The following DOK6 variants were observed in gnomAD, a reference collection of about 807,000 sequenced individuals.
The protein encoded by DOK6 is docking protein 6.
A neutral mutation model predicts 44.0 loss-of-function variants in DOK6; 22 were observed. That is an observed-to-expected ratio of 0.50 (90% CI 0.36 to 0.71). DOK6 has a LOEUF of 0.71. Among genes scored for constraint, DOK6 ranks in the 30% least tolerant of loss-of-function variants. The probability of loss-of-function intolerance (pLI) is 0.00; values close to 1 mark genes in which losing one functional copy is unlikely to be tolerated. For synonymous variants in DOK6, 166 were observed against 145.5 expected, an observed-to-expected ratio of 1.14 and a Z score of -1.01; for missense variants, 340 against 416.4, an observed-to-expected ratio of 0.82 and a Z score of 1.60.
intron 2 of DOK6, among the ~76,000 whole-genome samples, chr18:69,565,764 TGAG>T (rs1049798097): frequency 6.6e-6 from 1 of 152,316 alleles, no homozygotes; most frequent in Admixed American, 6.5e-5. Flanking sequence ...GGTTTTCTCA[TGAG>T]TAGACGAATT....
intron 3 of DOK6, among the ~76,000 whole-genome samples, chr18:69,636,102 G>A (rs1284478947): frequency 6.6e-6 from 1 of 152,188 alleles, no homozygotes; most frequent in Non-Finnish European, 1.5e-5. Context: ...GATTTGGAAT[G>A]AGTTCATGCC....
At chr18:69,801,327 G>T (rs1402424361) in intron 7 of DOK6, among the ~76,000 whole-genome samples, 1 of 152,060 alleles carries the variant, frequency 6.6e-6, no homozygotes, top group East Asian at 1.9e-4. Flanking sequence ...GTTGTTTCCT[G>T]ATCTTTTGTT....
At chr18:69,791,065 A>G (rs540041790) in intron 7 of DOK6, among the ~76,000 whole-genome samples, 6 of 152,260 alleles carry the variant, frequency 3.9e-5, no homozygotes, top group Admixed American at 2.6e-4. Context: ...TTCAGTTTAA[A>G]TGATGACCTC....
At chr18:69,491,983 G>A (rs1169108830) in intron 1 of DOK6, among the ~76,000 whole-genome samples, 1 of 152,186 alleles carries the variant, frequency 6.6e-6, no homozygotes, top group South Asian at 2.1e-4. Context: ...AGAGAACTCA[G>A]ATAGTTTTAT....
At chr18:69,702,005 ATAAT>A (rs1447203236) in intron 5 of DOK6, among the ~76,000 whole-genome samples, 5 of 152,148 alleles carry the variant, frequency 3.3e-5, no homozygotes, top group African/African-American at 9.6e-5. Flanking sequence ...GCATAAAAAT[ATAAT>A]TAATACATAA....
chr18:69,574,482 G>T (rs555402093), intron 2 of DOK6, among the ~76,000 whole-genome samples: 1 of 152,044 alleles, frequency 6.6e-6, no homozygotes, highest in South Asian at 2.1e-4. Flanking sequence ...TACCAAGGAC[G>T]TGACACTTAA....
chr18:69,563,717 G>A (rs534370047), intron 1 of DOK6, among the ~76,000 whole-genome samples: 4 of 151,616 alleles, frequency 2.6e-5, no homozygotes, highest in Admixed American at 2.6e-4. Context: ...CGAGTTAATG[G>A]GTGCAGCACA....
intron 3 of DOK6, among the ~76,000 whole-genome samples, chr18:69,623,170 T>C (rs1369217288): frequency 1.3e-5 from 2 of 152,152 alleles, no homozygotes; most frequent in Non-Finnish European, 2.9e-5. Flanking sequence ...CATCTGAATA[T>C]ATGCCAGCTT....
In DOK6 at chr18:69,842,747, A is replaced by G. The variant is rs1982259386; in HGVS notation, c.*1364A>G. On this transcript the variant is annotated 3_prime_UTR_variant, in exon 8 of 8. Coordinates refer to ENST00000382713, the MANE Select transcript of DOK6 (RefSeq NM_152721.6). ...GGCTAATTCAGGTCAACAAAGATAT[A>G]TTTGCCCTTAATTCTGGAGTTAAGT... The G allele has an allele frequency of 6.6e-6, 1 of 152,158 alleles. No homozygotes were observed. The highest frequency in any genetic ancestry group is 6.5e-5 in the Admixed American group (1 of 15,278). 9.4% of individuals were successfully genotyped at this position (152,158 alleles called of 1,614,324 possible).
intron 3 of DOK6, among the ~76,000 whole-genome samples, chr18:69,658,703 CTT>C (rs2144669570): frequency 6.6e-6 from 1 of 152,160 alleles, no homozygotes; most frequent in South Asian, 2.1e-4. Context: ...GGAAATGAGT[CTT>C]TTTCTGCTGT....
intron 1 of DOK6, among the ~76,000 whole-genome samples, chr18:69,457,550 T>C (rs1979664653): frequency 6.6e-6 from 1 of 152,204 alleles, no homozygotes; most frequent in Non-Finnish European, 1.5e-5. Context: ...TATAGTATAG[T>C]CTGAAGTCAG....
chr18:69,744,688 G>A (rs1372648819), intron 6 of DOK6, among the ~76,000 whole-genome samples: 1 of 152,042 alleles, frequency 6.6e-6, no homozygotes, highest in East Asian at 1.9e-4. Flanking sequence ...ACTTTGGGAG[G>A]CCGAGGCGGA....
intron 3 of DOK6, among the ~76,000 whole-genome samples, chr18:69,609,485 A>AAAAAT (rs1984084887): frequency 6.7e-6 from 1 of 150,126 alleles, no homozygotes; most frequent in African/African-American, 2.4e-5. Flanking sequence ...GGCTATTACA[A>AAAAAT]GAAATAAATA....
chr18:69,424,085 C>T (rs1978569868), intron 1 of DOK6, among the ~76,000 whole-genome samples: 1 of 152,108 alleles, frequency 6.6e-6, no homozygotes, highest in African/African-American at 2.4e-5. Flanking sequence ...GTGGTTCATT[C>T]ATTTTTACTT....
At chr18:69,446,797 C>T (rs1421630922) in intron 1 of DOK6, among the ~76,000 whole-genome samples, 1 of 152,216 alleles carries the variant, frequency 6.6e-6, no homozygotes, top group Non-Finnish European at 1.5e-5. Flanking sequence ...TTGCATTTCT[C>T]TGATGGCCAG....
At chr18:69,583,122 A>G (rs1802532198) in intron 2 of DOK6, among the ~76,000 whole-genome samples, 1 of 152,210 alleles carries the variant, frequency 6.6e-6, no homozygotes, top group Admixed American at 6.5e-5. Context: ...TTACATATGT[A>G]CTACAGATGG....
At chr18:69,774,119 A>C (rs1979973304) in intron 7 of DOK6, among the ~76,000 whole-genome samples, 1 of 102,616 alleles carries the variant, frequency 9.7e-6, no homozygotes, top group African/African-American at 3.3e-5. Context: ...AGATTTATAT[A>C]GATATATATA....
At position 69,650,577 on chromosome 18, in the gene DOK6, T is replaced by G. The variant is rs116402511; in HGVS notation, c.290-27157T>G. On this transcript the variant is annotated intron_variant, in intron 3 of 7. Coordinates refer to ENST00000382713, the MANE Select transcript of DOK6 (RefSeq NM_152721.6). ...ATTTTCCAACTTTTCGGAGCTATTT[T>G]GGTTAACATGGATTAAAAACTATCA... Among the ~76,000 whole-genome samples, 417 of 152,316 alleles carry G rather than the reference T, an allele frequency of 2.7e-3. 4 individuals carry two copies. Among genetic ancestry groups the G allele is most frequent in the African/African-American group, 9.8e-3 (408 of 41,570 alleles).
At chr18:69,840,533 GA>G in intron 7 of DOK6, among the ~76,000 whole-genome samples, 2 of 152,322 alleles carry the variant, frequency 1.3e-5, no homozygotes, top group East Asian at 3.9e-4. Context: ...TTCGGTTTGC[GA>G]TAGACTATTT....
Sources: gnomAD v4.1 joint callset for allele counts (sites outside exome capture counted in the v4.1 genomes callset) on GRCh38, gnomAD v4.1.1 for gene constraint, MANE v1.5 for transcripts, NCBI Gene and HGNC (gene_info 2026-07-23, HGNC 2026-07-21) for gene names.